ADNP: variants seen among roughly 807,000 people sequenced by gnomAD.
The protein encoded by ADNP is activity dependent neuroprotector homeobox.
ADNP carries 4 observed loss-of-function variants against 84.9 expected under a neutral mutation model. The observed-to-expected ratio is 0.05, with a 90% CI of 0.02 to 0.11. The LOEUF (loss-of-function observed/expected upper bound fraction) is 0.11. Ranked by LOEUF, ADNP falls within the 10% of genes least tolerant of loss-of-function variation. The pLI is 1.00. For synonymous variants in ADNP, 554 were observed against 468.1 expected, an observed-to-expected ratio of 1.18 and a Z score of -2.37; for missense variants, 1,132 against 1,326.0, an observed-to-expected ratio of 0.85 and a Z score of 2.27.
rs748115798 is a variant in ADNP at position 50,904,006 on chromosome 20, T to C, written c.-5-5A>G. The C allele has an allele frequency of 1.2e-6, 2 of 1,607,340 alleles. No individual in the cohort carries two copies. Among genetic ancestry groups the C allele is most frequent in the Non-Finnish European group, 1.7e-6 (2 of 1,176,844 alleles). On this transcript the variant is annotated splice_region_variant and splice_polypyrimidine_tract_variant and intron_variant, in intron 3 of 5. Transcript: ENST00000621696. ...CAGGAAGTTGGAACATAGTTTCTAT[T>C]GGAAAAAAAAATTTAAGTCAAAGTC...
rs1980882661 is a variant in ADNP at position 50,892,460 on chromosome 20, A to G, written c.2254T>C (p.Leu752=). 4 of 1,614,150 alleles carry G rather than the reference A, an allele frequency of 2.5e-6. No individual in the cohort carries two copies. The highest frequency in any genetic ancestry group is 3.4e-6 in the Non-Finnish European group (4 of 1,180,034). ...TCATGACCCTTGGGGTCTAAAGCTA[A>G]AACAACAGGCTCTTCAGGCTTCTCT... The part of the protein sequence containing the change: ...FEEKPEEPVV[L]ALDPKGHEDD... Residue 752 remains leucine, a synonymous_variant, in exon 6 of 6, where the codon TTA becomes CTA. Coordinates refer to ENST00000621696, the MANE Select transcript of ADNP (RefSeq NM_001282531.3).
intron 2 of ADNP, among the ~76,000 whole-genome samples, chr20:50,914,694 T>C (rs1021229180): frequency 6.6e-6 from 1 of 152,230 alleles, no homozygotes; most frequent in African/African-American, 2.4e-5. Context: ...CCTCCGAGCA[T>C]GCACCTTGTA....
intron 5 of ADNP, among the ~76,000 whole-genome samples, chr20:50,898,850 GTATA>G (rs1981676513): frequency 2.0e-5 from 3 of 152,276 alleles, no homozygotes; most frequent in Admixed American, 2.0e-4. Context: ...AAAATAAAAA[GTATA>G]TATAGTAAAT....
At chr20:50,909,282 G>C (rs1189721974) in intron 2 of ADNP, among the ~76,000 whole-genome samples, 1 of 137,536 alleles carries the variant, frequency 7.3e-6, no homozygotes, top group Non-Finnish European at 1.5e-5. Flanking sequence ...AGAATCGCTT[G>C]AACTCCAGAG....
rs762206459 is a variant in ADNP, at chr20:50,894,115, G to C, written c.599C>G (p.Ala200Gly). 2.5e-6 allele frequency: 4 copies of C among 1,613,996 alleles called. No homozygotes were observed. The African/African-American group carries it at 5.3e-5, about 22-fold the overall frequency. The stretch of plus-strand genomic sequence containing the variant: ...TGCCCCATTGAGTGATTTTTCTCCT[G>C]CCTTTGCTATGTAAGGTGCTGCCAC... Reference protein sequence around the residue: ...QHVAAPYIAKAGEKSLNGAVP... With the variant: ...QHVAAPYIAKGGEKSLNGAVP... The change falls in exon 6 of 6, where the codon GCA becomes GGA. Residue 200 changes from alanine (A) to glycine (G), a missense_variant. Around this residue, in one of 10 missense-constraint regions of ADNP, gnomAD observed 130 missense variants for 183.7 expected, o/e 0.71. Transcript: ENST00000621696.
At chr20:50,903,643 G>T (rs146061957) in intron 4 of ADNP, among the ~76,000 whole-genome samples, 1 of 152,270 alleles carries the variant, frequency 6.6e-6, no homozygotes, top group East Asian at 1.9e-4. Context: ...CAACTTTACG[G>T]CACCTAGTTC....
chr20:50,929,782 G>A (rs1225308231), intron 1 of ADNP, among the ~76,000 whole-genome samples: 1 of 152,122 alleles, frequency 6.6e-6, no homozygotes, highest in Middle Eastern at 3.2e-3. Context: ...ATGGGAACTG[G>A]GTGTGTGGGG....
At chr20:50,899,715 C>T (rs943142807) in intron 5 of ADNP, among the ~76,000 whole-genome samples, 7 of 151,340 alleles carry the variant, frequency 4.6e-5, no homozygotes, top group African/African-American at 1.7e-4. Flanking sequence ...AATGGTAATA[C>T]CATTGATCTT....
At chr20:50,898,723 C>T (rs556244204) in intron 5 of ADNP, among the ~76,000 whole-genome samples, 1 of 152,282 alleles carries the variant, frequency 6.6e-6, no homozygotes, top group East Asian at 1.9e-4. Flanking sequence ...GAACAAAATA[C>T]CATGAGATTA....
rs1382874799 is a variant in ADNP at position 50,904,850 on chromosome 20, C to CT, written c.-89-2dup. On this transcript the variant is annotated splice_acceptor_variant, in intron 2 of 5. Coordinates refer to ENST00000621696, the MANE Select transcript of ADNP (RefSeq NM_001282531.3). LOFTEE classifies it low-confidence loss of function (5UTR_SPLICE). ...CTGTCCTGCCTACTGCTACGGTATT[C>CT]TTTAAAACAAAAACAAAAACAAAAA... is the stretch of plus-strand genomic sequence containing the variant. 6.6e-6 allele frequency: 1 copy of CT among 151,680 alleles called. No homozygotes were observed. The highest frequency in any genetic ancestry group is 6.6e-5 in the Admixed American group (1 of 15,228). The allele number at this position is 151,680 out of a possible 1,614,324, so 9.4% of individuals were successfully genotyped here.
chr20:50,924,969 T>G (rs1984190220), intron 2 of ADNP, among the ~76,000 whole-genome samples: 1 of 152,170 alleles, frequency 6.6e-6, no homozygotes, highest in South Asian at 2.1e-4. Context: ...TTTCCTCTTA[T>G]TTTCTAAATC....
intron 2 of ADNP, among the ~76,000 whole-genome samples, chr20:50,920,244 A>G (rs1304929704): frequency 2.2e-5 from 3 of 138,492 alleles, no homozygotes; most frequent in African/African-American, 8.3e-5. Context: ...CCTGGGCAAC[A>G]GAGCGAGATT....
intron 2 of ADNP, among the ~76,000 whole-genome samples, chr20:50,916,181 A>G (rs941402045): frequency 6.6e-6 from 1 of 152,210 alleles, no homozygotes; most frequent in Admixed American, 6.5e-5. Context: ...TAAATATAGC[A>G]TTCTTTACAA....
chr20:50,902,146 G>A, intron 4 of ADNP, 37 bp from the exon 5 acceptor site: 1 of 1,464,788 alleles, frequency 6.8e-7, no homozygotes, highest in Non-Finnish European at 9.6e-7. Context: ...AAAACATAGT[G>A]GTATAAACGC....
At chr20:50,922,294 C>A (rs1349326704) in intron 2 of ADNP, among the ~76,000 whole-genome samples, 2 of 152,110 alleles carry the variant, frequency 1.3e-5, no homozygotes, top group South Asian at 4.1e-4. Context: ...GGGGCTCAGT[C>A]CCCAAAACTG....
intron 5 of ADNP, among the ~76,000 whole-genome samples, chr20:50,898,826 TAGG>T (rs1192917135): frequency 6.6e-6 from 1 of 151,750 alleles, no homozygotes; most frequent in Non-Finnish European, 1.5e-5. Context: ...TTTTAAAAAG[TAGG>T]AGTACACTCT....
At chr20:50,920,591 TA>T (rs58187721) in intron 2 of ADNP, among the ~76,000 whole-genome samples, 1 of 145,360 alleles carries the variant, frequency 6.9e-6, no homozygotes, top group Non-Finnish European at 1.5e-5. Context: ...GTCAATTAAG[TA>T]AAAGAGTAGA....
chr20:50,917,944 C>A (rs919478117), intron 2 of ADNP, among the ~76,000 whole-genome samples: 1 of 152,060 alleles, frequency 6.6e-6, no homozygotes, highest in African/African-American at 2.4e-5. Flanking sequence ...TGAATAAAAT[C>A]AATCACAAAA....
At chr20:50,928,286 C>T (rs895579120) in intron 2 of ADNP, among the ~76,000 whole-genome samples, 1 of 152,292 alleles carries the variant, frequency 6.6e-6, no homozygotes, top group Admixed American at 6.5e-5. Context: ...TCTTTGGTAG[C>T]AAGAACAAGT....
Sources: gnomAD v4.1 joint callset for allele counts (sites outside exome capture counted in the v4.1 genomes callset) on GRCh38, gnomAD v4.1.1 for gene constraint, gnomAD v4.1.1 regional missense constraint, MANE v1.5 for transcripts, NCBI Gene and HGNC (gene_info 2026-07-23, HGNC 2026-07-21) for gene names.